Variants in SHROOM3 observed in about 807,000 individuals in gnomAD.
SHROOM3 encodes the protein protein Shroom3.
Under a neutral mutation model 138.6 loss-of-function variants are expected in SHROOM3, and 47 were observed. That is an observed-to-expected ratio of 0.34 (90% CI 0.27 to 0.43). SHROOM3 has a LOEUF of 0.43. Ranked by LOEUF, SHROOM3 falls within the 20% of genes least tolerant of loss-of-function variation. The pLI is 1.00. For missense variants in SHROOM3, 2,491 were observed against 2,596.5 expected (o/e 0.96, Z 0.88); for synonymous variants, 1,062 against 1,063.3 (o/e 1.00, Z 0.02).
At chr4:76,565,616 G>A (rs2110035103) in intron 2 of SHROOM3, among the ~76,000 whole-genome samples, 1 of 152,194 alleles carries the variant, frequency 6.6e-6, no homozygotes, top group South Asian at 2.1e-4. Flanking sequence ...CGGAGTAGCT[G>A]GGACTACAGG....
intron 2 of SHROOM3, among the ~76,000 whole-genome samples, chr4:76,692,997 GA>G: frequency 6.6e-6 from 1 of 152,330 alleles, no homozygotes; most frequent in South Asian, 2.1e-4. Flanking sequence ...AGCATTACCT[GA>G]ATTAGAAGAA....
chr4:76,648,332 AAAAG>A (rs559312949), intron 2 of SHROOM3, among the ~76,000 whole-genome samples: 117 of 152,328 alleles, frequency 7.7e-4, no homozygotes, highest in African/African-American at 2.2e-3. Context: ...TATCTTTAAA[AAAAG>A]AAAGAAAGAA....
intron 9 of SHROOM3, among the ~76,000 whole-genome samples, chr4:76,768,614 G>A (rs1415935836): frequency 6.6e-6 from 1 of 151,848 alleles, no homozygotes; most frequent in Non-Finnish European, 1.5e-5. Context: ...AGGTTCAAGC[G>A]ATTCTCCTGC....
At chr4:76,540,401 T>C (rs10518148) in intron 1 of SHROOM3, among the ~76,000 whole-genome samples, 2,980 of 152,316 alleles carry the variant, frequency 0.02, 50 homozygotes, top group Non-Finnish European at 0.031. Flanking sequence ...CAAGTTCTAA[T>C]ATTAAAGCCA....
rs1191537910 is a variant in SHROOM3, at chr4:76,741,605, G to T, written c.3432G>T (p.Glu1144Asp). 4.5e-6 allele frequency: 7 copies of T among 1,539,692 alleles called. No homozygotes were observed. The highest frequency in any genetic ancestry group is 5.2e-6 in the Non-Finnish European group (6 of 1,148,410). The change falls in exon 5 of 11, where the codon GAG (glutamate) becomes GAT (aspartate). Residue 1144 changes from glutamate (E) to aspartate (D), a missense_variant. Coordinates refer to ENST00000296043, the MANE Select transcript of SHROOM3 (RefSeq NM_020859.4). The surrounding 1 kb of genome is among the most constrained non-coding windows in gnomAD (Gnocchi z 6.2). ...CCTCCAGCTTGAGCTCACTGCGGGA[G>T]CCCAGCCTGCAGCCCCGCAGGGAGG... Reference protein sequence around the residue: ...ASASSLSSLREPSLQPRREAT... With the variant: ...ASASSLSSLRDPSLQPRREAT...
At chr4:76,519,861 A>G (rs9996493) in intron 1 of SHROOM3, among the ~76,000 whole-genome samples, 23,140 of 152,224 alleles carry the variant, frequency 0.15, 2,256 homozygotes, top group East Asian at 0.29. Flanking sequence ...GATCAGGACA[A>G]CTAATGAGTG....
intron 3 of SHROOM3, among the ~76,000 whole-genome samples, chr4:76,717,911 T>C (rs961926621): frequency 3.9e-5 from 6 of 152,236 alleles, no homozygotes. Context: ...ATATTTTCTC[T>C]TATAATTCAA....
At chr4:76,704,765 G>A (rs1412496920) in intron 2 of SHROOM3, among the ~76,000 whole-genome samples, 1 of 152,192 alleles carries the variant, frequency 6.6e-6, no homozygotes, top group African/African-American at 2.4e-5. Flanking sequence ...TTGAAAGGCT[G>A]CTGGGTAGAC....
At chr4:76,582,481 T>A (rs1207943046) in intron 2 of SHROOM3, among the ~76,000 whole-genome samples, 3 of 152,284 alleles carry the variant, frequency 2.0e-5, no homozygotes, top group Non-Finnish European at 2.9e-5. Context: ...CAAGGCCATG[T>A]GCAAATCATT....
chr4:76,666,848 TAAAC>T (rs1718706253), intron 2 of SHROOM3, among the ~76,000 whole-genome samples: 1 of 152,082 alleles, frequency 6.6e-6, no homozygotes, highest in African/African-American at 2.4e-5. Context: ...GAAGAATAAA[TAAAC>T]AAACTGTGGT....
intron 1 of SHROOM3, among the ~76,000 whole-genome samples, chr4:76,489,058 C>T (rs1278004510): frequency 1.3e-5 from 2 of 152,172 alleles, no homozygotes; most frequent in African/African-American, 4.8e-5. Context: ...AGGAAGCAGG[C>T]AGGGCAGGGC....
chr4:76,522,430 T>C (rs1035752663), intron 1 of SHROOM3, among the ~76,000 whole-genome samples: 3 of 152,030 alleles, frequency 2.0e-5, no homozygotes, highest in African/African-American at 7.2e-5. Context: ...TTTTAAATGG[T>C]TCTGTTGGCC....
intron 1 of SHROOM3, among the ~76,000 whole-genome samples, chr4:76,481,271 A>T (rs963442355): frequency 5.3e-5 from 8 of 152,304 alleles, no homozygotes; most frequent in Middle Eastern, 3.4e-3. Context: ...CATCAAATAG[A>T]TACAATAAAA....
chr4:76,697,590 C>T (rs1157279762), intron 2 of SHROOM3, among the ~76,000 whole-genome samples: 1 of 152,152 alleles, frequency 6.6e-6, no homozygotes, highest in African/African-American at 2.4e-5. Context: ...CAAGCTTTAC[C>T]ACTTCCTTTG....
intron 2 of SHROOM3, among the ~76,000 whole-genome samples, chr4:76,689,389 C>G (rs1379052024): frequency 6.6e-6 from 1 of 151,496 alleles, no homozygotes; most frequent in African/African-American, 2.4e-5. Context: ...AGCGCGGCCC[C>G]TCGGGTGCGG....
intron 1 of SHROOM3, among the ~76,000 whole-genome samples, chr4:76,452,469 A>G (rs1730946026): frequency 6.6e-6 from 1 of 152,230 alleles, no homozygotes; most frequent in South Asian, 2.1e-4. Flanking sequence ...GGTGCTTCAT[A>G]TAAGTGGAAT....
intron 5 of SHROOM3, among the ~76,000 whole-genome samples, chr4:76,746,740 C>G (rs926448538): frequency 1.3e-5 from 2 of 151,130 alleles, no homozygotes; most frequent in Non-Finnish European, 2.9e-5. Context: ...TAACTTGGAA[C>G]CCAAAACAGG....
intron 2 of SHROOM3, among the ~76,000 whole-genome samples, chr4:76,593,486 G>A (rs777250513): frequency 4.6e-5 from 7 of 152,142 alleles, no homozygotes; most frequent in Non-Finnish European, 1.0e-4. Flanking sequence ...CACGATGACT[G>A]GCCCTGTTAT....
chr4:76,599,988 A>T (rs202083669), intron 2 of SHROOM3, among the ~76,000 whole-genome samples: 2 of 150,586 alleles, frequency 1.3e-5, no homozygotes, highest in Non-Finnish European at 3.0e-5. Flanking sequence ...CTAAAAAAAC[A>T]TTTTTTTTTT....
Sources: allele counts gnomAD v4.1 joint callset (sites outside exome capture counted in the v4.1 genomes callset), GRCh38; gene constraint gnomAD v4.1.1; non-coding constraint Gnocchi (gnomAD v3.1); transcripts MANE v1.5; gene names NCBI Gene and HGNC (gene_info 2026-07-23, HGNC 2026-07-21).